FLT1: variants seen among roughly 807,000 people sequenced by gnomAD.
The protein encoded by FLT1 is fms related receptor tyrosine kinase 1, also known as vascular endothelial growth factor receptor 1.
FLT1 carries 49 observed loss-of-function variants against 156.3 expected under a neutral mutation model. The ratio of observed to expected loss-of-function variants is 0.31; its 90% confidence interval spans 0.25 to 0.40. The LOEUF (loss-of-function observed/expected upper bound fraction) is 0.40, where lower values mean the gene tolerates loss of function less well. Ranked by LOEUF, FLT1 falls within the 10% of genes least tolerant of loss-of-function variation. The pLI is 1.00. For synonymous variants in FLT1, 594 were observed against 583.8 expected, an observed-to-expected ratio of 1.02 and a Z score of -0.25; for missense variants, 1,322 against 1,637.2, an observed-to-expected ratio of 0.81 and a Z score of 3.32.
intron 2 of FLT1, 24 bp from the exon 3 acceptor site, chr13:28,467,153 A>G: frequency 6.4e-7 from 1 of 1,569,594 alleles, no homozygotes; most frequent in South Asian, 1.1e-5. Context: ...TAAGAAAACA[A>G]AACATATTTA....
intron 20 of FLT1, among the ~76,000 whole-genome samples, chr13:28,323,153 T>C (rs1241846755): frequency 6.6e-6 from 1 of 151,916 alleles, no homozygotes; most frequent in Non-Finnish European, 1.5e-5. Context: ...CCTGGGCTTC[T>C]AGACAGCATC....
At chr13:28,328,048 C>T (rs966335858) in intron 19 of FLT1, among the ~76,000 whole-genome samples, 3 of 152,108 alleles carry the variant, frequency 2.0e-5, no homozygotes, top group African/African-American at 7.2e-5. Context: ...CAGTAGGAAT[C>T]GGCAAACTCT....
chr13:28,412,369 T>TTTCTTTCTTTCTTTCTTTCCTTCC (rs1566013053), intron 10 of FLT1, among the ~76,000 whole-genome samples: 6 of 83,176 alleles, frequency 7.2e-5, no homozygotes, highest in African/African-American at 2.0e-4. Context: ...TCTTTCTTTC[T>TTTCTTTCTTTCTTTCTTTCCTTCC]TTCTTTCTTT....
chr13:28,494,830 C>A lies in FLT1; in HGVS notation c.14G>T (p.Trp5Leu). 1 of 1,569,378 alleles carries A rather than the reference C, an allele frequency of 6.4e-7. No homozygotes were observed. Among genetic ancestry groups the A allele is most frequent in the African/African-American group, 1.4e-5 (1 of 72,732 alleles). The change falls in exon 1 of 30, where the codon TGG becomes TTG. Residue 5 changes from tryptophan to leucine, a missense_variant. Physicochemically the swap from Trp to Leu is moderately conservative, Grantham distance 61. Transcript: ENST00000282397. ...CGCGCACAGCAGGACCCCGGTGTCC[C>A]AGTAGCTGACCATGGTGAGCGCGAC... Reference protein sequence around the residue: MVSYWDTGVLLCALL... With the variant: MVSYLDTGVLLCALL...
At chr13:28,443,517 T>G (rs1593798520) in intron 3 of FLT1, among the ~76,000 whole-genome samples, 1 of 152,218 alleles carries the variant, frequency 6.6e-6, no homozygotes, top group African/African-American at 2.4e-5. Context: ...TTCTAGCACA[T>G]GTACATATTT....
intron 1 of FLT1, among the ~76,000 whole-genome samples, chr13:28,468,640 T>A (rs562653374): frequency 1.3e-5 from 2 of 152,290 alleles, no homozygotes; most frequent in South Asian, 2.1e-4. Flanking sequence ...GGATCCCTCA[T>A]GCATGGCATG....
intron 14 of FLT1, among the ~76,000 whole-genome samples, chr13:28,382,276 C>T (rs1207605177): frequency 6.6e-6 from 1 of 152,146 alleles, no homozygotes; most frequent in African/African-American, 2.4e-5. Flanking sequence ...GAAGGTACTC[C>T]AGGCGGAGAG....
rs980903048 is a variant in FLT1, at chr13:28,435,075, C to T, written c.514-855G>A. ...TCCTCCAAGATTCATAACATTAACT[C>T]AGCACTCACTGGGGCTGTCATTCTG... On this transcript the variant is annotated intron_variant, in intron 4 of 29. Transcript: ENST00000282397. Among the ~76,000 whole-genome samples the T allele has an allele frequency of 1.8e-4, 28 of 152,148 alleles. 1 individual carries two copies. The highest frequency in any genetic ancestry group is 5.8e-4 in the African/African-American group (24 of 41,422).
intron 1 of FLT1, among the ~76,000 whole-genome samples, chr13:28,487,027 C>T (rs1230601990): frequency 2.6e-5 from 4 of 152,214 alleles, no homozygotes; most frequent in Non-Finnish European, 5.9e-5. Context: ...TGGGGCCCAG[C>T]CAGCTAGTTT....
rs542605703 is a variant in FLT1, at chr13:28,462,230, G to A, written c.388+4673C>T. On this transcript the variant is annotated intron_variant, in intron 3 of 29. Transcript: ENST00000282397. ...CTTCAGAGATGCCATTAAAAAACTC[G>A]TCTGGTCAGTTTTCTTACTTTACAG... Among the ~76,000 whole-genome samples, 28 of 152,218 alleles carry A rather than the reference G, an allele frequency of 1.8e-4. No individual in the cohort carries two copies. In the South Asian group the frequency reaches 3.7e-3, roughly 20 times the overall value.
At chr13:28,386,497 A>G (rs146379229) in intron 13 of FLT1, 1 of 1,049,134 alleles carries the variant, frequency 9.5e-7, no homozygotes, top group African/African-American at 1.7e-5. Context: ...GCTCTGATGT[A>G]CAAAAACTTC....
intron 2 of FLT1, 48 bp from the exon 3 acceptor site, chr13:28,467,177 GGCTCA>G (rs771958247): frequency 2.2e-6 from 3 of 1,383,324 alleles, no homozygotes. Flanking sequence ...CTGGGCCCTA[GGCTCA>G]GCACCAGTTC....
rs548977503 is a variant in FLT1, at chr13:28,440,798, G to A, written c.389-2453C>T. ...GATTACATGAATTAATATATGTAAA[G>A]CACTTAGAATGATGCCTGGCAAATA... On this transcript the variant is annotated intron_variant, in intron 3 of 29. Coordinates refer to ENST00000282397, the MANE Select transcript of FLT1 (RefSeq NM_002019.4). 6.6e-5 allele frequency among the ~76,000 whole-genome samples: 10 copies of A among 152,274 alleles called. No homozygotes were observed. The South Asian group carries it at 2.1e-3, about 32-fold the overall frequency.
chr13:28,307,808 G>A (rs1462871874), intron 28 of FLT1, among the ~76,000 whole-genome samples: 5 of 10,148 alleles, frequency 4.9e-4, no homozygotes, highest in Non-Finnish European at 0.02. Context: ...CAGCTCTGTC[G>A]CCCAGGCTGC....
At chr13:28,312,886 C>T (rs1871060777) in intron 25 of FLT1, among the ~76,000 whole-genome samples, 1 of 152,200 alleles carries the variant, frequency 6.6e-6, no homozygotes, top group Non-Finnish European at 1.5e-5. Flanking sequence ...GTCTTAATAG[C>T]ACAGAGGTCA....
At chr13:28,387,326 G>T in intron 13 of FLT1, 1 of 1,046,426 alleles carries the variant, frequency 9.6e-7, no homozygotes, top group South Asian at 4.6e-5. Flanking sequence ...ATCAACCCAA[G>T]AATCATATTT....
chr13:28,450,878 C>T (rs1878890532), intron 3 of FLT1, among the ~76,000 whole-genome samples: 1 of 152,156 alleles, frequency 6.6e-6, no homozygotes, highest in South Asian at 2.1e-4. Context: ...CTCCACCACA[C>T]CAAAATCTGG....
chr13:28,352,621 A>G (rs1187340501), intron 15 of FLT1, among the ~76,000 whole-genome samples: 1 of 152,184 alleles, frequency 6.6e-6, no homozygotes, highest in East Asian at 1.9e-4. Context: ...TTAGATTTGA[A>G]GTATAGGCAT....
intron 3 of FLT1, 104 bp downstream of exon 3, chr13:28,466,799 T>A (rs750114967): frequency 3.8e-4 from 306 of 799,324 alleles, no homozygotes; most frequent in Non-Finnish European, 5.0e-5. Context: ...CTAACCCGTT[T>A]CTTTCATACT....
Sources: allele counts gnomAD v4.1 joint callset (sites outside exome capture counted in the v4.1 genomes callset), GRCh38; gene constraint gnomAD v4.1.1; transcripts MANE v1.5; gene names NCBI Gene and HGNC (gene_info 2026-07-23, HGNC 2026-07-21).